RXRG: variants seen among roughly 807,000 people sequenced by gnomAD.
RXRG encodes retinoic acid receptor RXR-gamma.
RXRG carries 19 observed loss-of-function variants against 49.2 expected under a neutral mutation model. That is an observed-to-expected ratio of 0.39 (90% CI 0.27 to 0.57). RXRG has a LOEUF of 0.57. Among genes scored for constraint, RXRG ranks in the 20% least tolerant of loss-of-function variants. The pLI, the probability that RXRG is intolerant of heterozygous loss-of-function variation, is 0.64. For synonymous variants in RXRG, 224 were observed against 216.6 expected, an observed-to-expected ratio of 1.03 and a Z score of -0.30; for missense variants, 452 against 592.5, an observed-to-expected ratio of 0.76 and a Z score of 2.46.
At chr1:165,440,763 G>A (rs75228776) in intron 1 of RXRG, among the ~76,000 whole-genome samples, 5,187 of 152,192 alleles carry the variant, frequency 0.034, 114 homozygotes, top group Admixed American at 0.063. Context: ...TGGCACACCC[G>A]CGATCCAATG....
chr1:165,421,319 T>C (rs886687829), intron 2 of RXRG, among the ~76,000 whole-genome samples: 2 of 152,228 alleles, frequency 1.3e-5, no homozygotes, highest in African/African-American at 4.8e-5. Context: ...ACAACACATA[T>C]GTGATAGAAG....
At chr1:165,431,913 T>C (rs550289351) in intron 1 of RXRG, among the ~76,000 whole-genome samples, 10 of 152,352 alleles carry the variant, frequency 6.6e-5, no homozygotes, top group Middle Eastern at 3.4e-3. Flanking sequence ...TCATTTCTTG[T>C]TATAAAATTA....
At position 165,428,986 on chromosome 1, in the gene RXRG, G is replaced by T. The variant is rs1036704593; in HGVS notation, c.50-20C>A. 6.2e-7 allele frequency: 1 copy of T among 1,605,468 alleles called. No individual in the cohort carries two copies. The highest frequency in any genetic ancestry group is 1.7e-5 in the Admixed American group (1 of 59,448). On this transcript the variant is annotated intron_variant, in intron 1 of 9. Transcript: ENST00000359842. The stretch of plus-strand genomic sequence containing the variant: ...GGGAGCCTGTAAGAAGAAGAATATA[G>T]ATGGTGGGAGGTTGGGGAACATGGA...
At chr1:165,425,115 G>T in intron 2 of RXRG, 1 of 174,762 alleles carries the variant, frequency 5.7e-6, no homozygotes, top group Non-Finnish European at 1.1e-5. Context: ...CCTCTGTACA[G>T]ACATATGGTC....
At position 165,444,911 on chromosome 1, in the gene RXRG, T is replaced by C; in HGVS notation, c.-18A>G. 2 of 1,613,460 alleles carry C rather than the reference T, an allele frequency of 1.2e-6. No individual in the cohort carries two copies. The highest frequency in any genetic ancestry group is 1.7e-6 in the Non-Finnish European group (2 of 1,179,382). ...CCATACATGTTTACTCGTCAGTTCA[T>C]GTTCCTCTCCTGTGCAGCTTCTAAA... is the stretch of plus-strand genomic sequence containing the variant. On this transcript the variant is annotated 5_prime_UTR_variant, in exon 1 of 10. An upstream start codon of the reference 5' UTR is lost. Transcript: ENST00000359842.
At chr1:165,439,480 G>A (rs1250339407) in intron 1 of RXRG, among the ~76,000 whole-genome samples, 1 of 152,230 alleles carries the variant, frequency 6.6e-6, no homozygotes, top group Non-Finnish European at 1.5e-5. Flanking sequence ...TAGCCAGCTG[G>A]TCCGAACTGG....
rs1005497978 is a variant in RXRG, at chr1:165,401,170, G to A, written c.*93C>T. Reference sequence around the variant, plus strand: ...ATCACATTTTGGGGACAGGAAGGGGGTCAGGGTGGGAGGTGGAGGAAAGTG... The same window carrying A: ...ATCACATTTTGGGGACAGGAAGGGGATCAGGGTGGGAGGTGGAGGAAAGTG... On this transcript the variant is annotated 3_prime_UTR_variant, in exon 10 of 10. Coordinates refer to ENST00000359842, the MANE Select transcript of RXRG (RefSeq NM_006917.5). 1.7e-5 allele frequency: 21 copies of A among 1,212,178 alleles called. No homozygotes were observed. Among genetic ancestry groups the A allele is most frequent in the African/African-American group, 4.6e-5 (3 of 65,856 alleles). The allele number at this position is 1,212,178 out of a possible 1,614,324, so 75.1% of individuals were successfully genotyped here.
chr1:165,410,484 G>T lies in RXRG; in HGVS notation c.913+218C>A, dbSNP rs554380904. Among the ~76,000 whole-genome samples the T allele has an allele frequency of 1.9e-3, 296 of 152,238 alleles. 2 individuals are homozygous for T. Among genetic ancestry groups the T allele is most frequent in the African/African-American group, 6.8e-3 (283 of 41,540 alleles). On this transcript the variant is annotated intron_variant, in intron 6 of 9. Transcript: ENST00000359842. ...ATTTAATAGTCTTTTTAAAATTTAT[G>T]CAAATTATAAAGCCGTGGTAAAATT...
chr1:165,401,467 A>C, intron 9 of RXRG, 57 bp from the exon 10 acceptor site: 1 of 1,600,388 alleles, frequency 6.2e-7, no homozygotes, highest in Middle Eastern at 1.9e-4. Context: ...GCACACCTGC[A>C]CCTGCTGGCA....
At chr1:165,424,960 A>G (rs1271705341) in intron 2 of RXRG, 4 of 985,428 alleles carry the variant, frequency 4.1e-6, no homozygotes, top group African/African-American at 1.7e-5. Flanking sequence ...CAAGCCCAGA[A>G]CACTGCTCAG....
chr1:165,422,309 G>A (rs1223194044), intron 2 of RXRG, among the ~76,000 whole-genome samples: 3 of 152,212 alleles, frequency 2.0e-5, no homozygotes, highest in African/African-American at 7.2e-5. Flanking sequence ...GAGCCTTAAA[G>A]TGGGTTTATT....
At chr1:165,437,161 C>A (rs950791154) in intron 1 of RXRG, 1 of 1,367,644 alleles carries the variant, frequency 7.3e-7, no homozygotes, top group Non-Finnish European at 9.8e-7. Flanking sequence ...ACAGCCCTAG[C>A]GATGTGGAGA....
intron 1 of RXRG, among the ~76,000 whole-genome samples, chr1:165,442,670 T>C (rs1011819036): frequency 1.3e-5 from 2 of 152,268 alleles, no homozygotes; most frequent in African/African-American, 2.4e-5. Flanking sequence ...TTTTGCATGT[T>C]AGTCTCTGAG....
At chr1:165,425,452 C>T (rs1410163005) in intron 2 of RXRG, among the ~76,000 whole-genome samples, 1 of 152,212 alleles carries the variant, frequency 6.6e-6, no homozygotes, top group Non-Finnish European at 1.5e-5. Flanking sequence ...GTACCTGATG[C>T]ATAGCAGGTC....
chr1:165,406,471 T>C (rs1030832595), intron 9 of RXRG, among the ~76,000 whole-genome samples: 8 of 152,248 alleles, frequency 5.3e-5, no homozygotes, highest in Non-Finnish European at 1.2e-4. Flanking sequence ...CATTATGGTC[T>C]TCAGCAAGTT....
chr1:165,444,129 G>A (rs1332168008), intron 1 of RXRG, among the ~76,000 whole-genome samples: 2 of 152,082 alleles, frequency 1.3e-5, no homozygotes, highest in Non-Finnish European at 1.5e-5. Context: ...TGCCTGGCAC[G>A]GTGACTTGAA....
rs867907202 is a variant in RXRG, at chr1:165,444,282, G to C, written c.49+563C>G. ...GAGAAGAGGCTATTAGCAAATCAAA[G>C]GAAAGAAAACAGGGGAAGGAAAACA... On this transcript the variant is annotated intron_variant, in intron 1 of 9. Coordinates refer to ENST00000359842, the MANE Select transcript of RXRG (RefSeq NM_006917.5). 7.8e-4 allele frequency among the ~76,000 whole-genome samples: 119 copies of C among 152,084 alleles called. No individual in the cohort carries two copies. In the Middle Eastern group the frequency reaches 0.016, roughly 20 times the overall value.
At chr1:165,402,875 CAT>C (rs1657628035) in intron 9 of RXRG, among the ~76,000 whole-genome samples, 1 of 151,856 alleles carries the variant, frequency 6.6e-6, no homozygotes, top group Non-Finnish European at 1.5e-5. Context: ...CATACTCACA[CAT>C]GTGCACACAC....
At chr1:165,404,807 G>A (rs1161795412) in intron 9 of RXRG, among the ~76,000 whole-genome samples, 1 of 152,082 alleles carries the variant, frequency 6.6e-6, no homozygotes. Flanking sequence ...CATCCAGGCT[G>A]GAGTGCAATG....
Sources: allele counts gnomAD v4.1 joint callset (sites outside exome capture counted in the v4.1 genomes callset), GRCh38; gene constraint gnomAD v4.1.1; transcripts MANE v1.5; gene names NCBI Gene and HGNC (gene_info 2026-07-23, HGNC 2026-07-21).